AUTS2: variants seen among roughly 807,000 people sequenced by gnomAD.
AUTS2 encodes activator of transcription and developmental regulator AUTS2, also known as autism susceptibility gene 2 protein.
In AUTS2, 17 loss-of-function variants were observed where a neutral mutation model predicts 112.4. The observed-to-expected ratio is 0.15, with a 90% confidence interval of 0.10 to 0.23. AUTS2 has a LOEUF of 0.23. AUTS2 is among the 10% of genes least tolerant of loss of function. The pLI is 1.00. For missense variants in AUTS2, 1,510 were observed against 1,701.6 expected, an observed-to-expected ratio of 0.89 and a Z score of 1.98; for synonymous variants, 751 against 702.7, an observed-to-expected ratio of 1.07 and a Z score of -1.09.
chr7:69,944,161 A>G (rs1796724616), intron 2 of AUTS2, among the ~76,000 whole-genome samples: 1 of 152,196 alleles, frequency 6.6e-6, no homozygotes, highest in Middle Eastern at 3.2e-3. Context: ...ACAGCTCTTT[A>G]ACAGATGGCA....
At chr7:70,140,939 AC>A (rs1296032540) in intron 4 of AUTS2, among the ~76,000 whole-genome samples, 1 of 152,304 alleles carries the variant, frequency 6.6e-6, no homozygotes, top group South Asian at 2.1e-4. Context: ...AAGTTGCATA[AC>A]GTGTAAGCAT....
intron 1 of AUTS2, among the ~76,000 whole-genome samples, chr7:69,820,249 C>T (rs1414402825): frequency 1.3e-5 from 2 of 152,218 alleles, no homozygotes; most frequent in Non-Finnish European, 2.9e-5. Context: ...AACACTTACT[C>T]TCTGCCCAGC....
At chr7:69,714,158 T>G (rs1798469874) in intron 1 of AUTS2, among the ~76,000 whole-genome samples, 1 of 151,796 alleles carries the variant, frequency 6.6e-6, no homozygotes, top group African/African-American at 2.4e-5. Flanking sequence ...CCTCCTGGGT[T>G]CAAGTGATCC....
intron 5 of AUTS2, among the ~76,000 whole-genome samples, chr7:70,477,184 C>G (rs1245028675): frequency 6.6e-6 from 1 of 152,178 alleles, no homozygotes; most frequent in Admixed American, 6.5e-5. Flanking sequence ...ACATTCCTTT[C>G]AAATGAATCA....
chr7:69,806,379 T>C (rs867640035), intron 1 of AUTS2, among the ~76,000 whole-genome samples: 20 of 152,066 alleles, frequency 1.3e-4, no homozygotes, highest in South Asian at 6.2e-4. Flanking sequence ...AGTGCTTTGA[T>C]GTATGAGGCA....
intron 1 of AUTS2, among the ~76,000 whole-genome samples, chr7:69,768,769 A>C (rs1004789937): frequency 3.3e-5 from 5 of 152,224 alleles, no homozygotes; most frequent in Non-Finnish European, 5.9e-5. Flanking sequence ...AATGAGTCAC[A>C]GAGGAGGAAA....
At chr7:70,308,165 CG>C (rs1340944782) in intron 4 of AUTS2, among the ~76,000 whole-genome samples, 1 of 152,188 alleles carries the variant, frequency 6.6e-6, no homozygotes, top group Non-Finnish European at 1.5e-5. Context: ...CCAGAGCCCT[CG>C]TTTTCAGATA....
At chr7:70,570,954 T>C (rs1399581789) in intron 5 of AUTS2, among the ~76,000 whole-genome samples, 2 of 152,164 alleles carry the variant, frequency 1.3e-5, no homozygotes, top group Non-Finnish European at 2.9e-5. Flanking sequence ...CATGCACACA[T>C]TTGCTGAACA....
At chr7:69,802,076 T>C (rs1460310904) in intron 1 of AUTS2, among the ~76,000 whole-genome samples, 2 of 152,204 alleles carry the variant, frequency 1.3e-5, no homozygotes, top group Non-Finnish European at 2.9e-5. Context: ...TCATCCCTCA[T>C]GTTTATTACG....
At position 70,335,880 on chromosome 7, in the gene AUTS2, C is replaced by T. The variant is rs536648564; in HGVS notation, c.661-99872C>T. 3.3e-5 allele frequency among the ~76,000 whole-genome samples: 5 copies of T among 152,250 alleles called. No individual in the cohort carries two copies. The South Asian group carries it at 1.0e-3, about 32-fold the overall frequency. On this transcript the variant is annotated intron_variant, in intron 4 of 18. Coordinates refer to ENST00000342771, the MANE Select transcript of AUTS2 (RefSeq NM_015570.4). ...ATTGTGCATGACATAGTGCAGGTCT[C>T]TGTATGTAGTTATGGAAAACGCTTC...
rs150632622 is a variant in AUTS2, at chr7:70,223,311, G to A, written c.660+88740G>A. Among the ~76,000 whole-genome samples the A allele has an allele frequency of 5.0e-3, 756 of 152,168 alleles. 8 individuals carry two copies. Among genetic ancestry groups the A allele is most frequent in the African/African-American group, 0.018 (730 of 41,492 alleles). The stretch of plus-strand genomic sequence containing the variant: ...TGGGAAGCAGTGCTTATAGTAGTTC[G>A]GTTTACATTCCTCATACAGCCATGT... On this transcript the variant is annotated intron_variant, in intron 4 of 18. Coordinates refer to ENST00000342771, the MANE Select transcript of AUTS2 (RefSeq NM_015570.4).
intron 2 of AUTS2, among the ~76,000 whole-genome samples, chr7:70,042,035 G>C (rs1031716342): frequency 6.6e-6 from 1 of 152,048 alleles, no homozygotes; most frequent in African/African-American, 2.4e-5. Flanking sequence ...CTCCTTGTAA[G>C]TTGTTGGTGG....
At position 70,790,077 on chromosome 7, in the gene AUTS2, C is replaced by T. The variant is rs1377601842; in HGVS notation, c.2861C>T (p.Pro954Leu). The change falls in exon 19 of 19, where the codon CCC becomes CTC. Residue 954 changes from proline (P) to leucine (L), a missense_variant. Around this residue, in one of 3 missense-constraint regions of AUTS2, gnomAD observed 788 missense variants for 797.6 expected, o/e 0.99. Transcript: ENST00000342771. The surrounding 1 kb of genome is among the most constrained non-coding windows in gnomAD (Gnocchi z 7.6). ...VRTPVVESAR[P>L]NSTSSREAEP... is the part of the protein sequence containing the mutation. Reference sequence around the variant, plus strand: ...ACCCCGGTGGTGGAGAGTGCCAGGCCCAACAGCACCTCGAGCCGGGAGGCC... The same window carrying T: ...ACCCCGGTGGTGGAGAGTGCCAGGCTCAACAGCACCTCGAGCCGGGAGGCC... 6.3e-7 allele frequency: 1 copy of T among 1,577,634 alleles called. No individual in the cohort carries two copies. The highest frequency in any genetic ancestry group is 1.9e-5 in the Admixed American group (1 of 52,806).
intron 5 of AUTS2, among the ~76,000 whole-genome samples, chr7:70,488,210 G>T (rs1015197126): frequency 6.6e-6 from 1 of 152,224 alleles, no homozygotes; most frequent in Non-Finnish European, 1.5e-5. Context: ...AAGCCCTCGT[G>T]CCCGGCGCTC....
chr7:69,725,486 T>C (rs1017002576), intron 1 of AUTS2, among the ~76,000 whole-genome samples: 4 of 152,116 alleles, frequency 2.6e-5, no homozygotes, highest in Non-Finnish European at 5.9e-5. Context: ...GACATGATGA[T>C]GATGTTTTGA....
intron 4 of AUTS2, among the ~76,000 whole-genome samples, chr7:70,319,172 A>T (rs59099177): frequency 0.017 from 2,532 of 152,330 alleles, 83 homozygotes; most frequent in African/African-American, 0.058. Flanking sequence ...AAAAAAAATG[A>T]TGCATCAAGT....
At chr7:69,769,830 A>G (rs573992653) in intron 1 of AUTS2, among the ~76,000 whole-genome samples, 1 of 152,370 alleles carries the variant, frequency 6.6e-6, no homozygotes, top group South Asian at 2.1e-4. Context: ...GCTGTAGCTA[A>G]GAAATGGAGA....
intron 6 of AUTS2, among the ~76,000 whole-genome samples, chr7:70,709,842 C>T (rs1008290469): frequency 3.3e-5 from 5 of 152,184 alleles, no homozygotes; most frequent in African/African-American, 7.2e-5. Flanking sequence ...GCCTCGTAGC[C>T]GATACCAGGA....
At chr7:70,776,959 T>TG in intron 13 of AUTS2, 144 bp from the exon 14 acceptor site, 3 of 732,272 alleles carry the variant, frequency 4.1e-6, no homozygotes, top group Non-Finnish European at 7.2e-6. Context: ...GAGCTACTGA[T>TG]GGAAGGCACT....
Sources: allele counts gnomAD v4.1 joint callset (sites outside exome capture counted in the v4.1 genomes callset), GRCh38; gene constraint gnomAD v4.1.1; regional missense constraint gnomAD v4.1.1; non-coding constraint Gnocchi (gnomAD v3.1); transcripts MANE v1.5; gene names NCBI Gene and HGNC (gene_info 2026-07-23, HGNC 2026-07-21).